SCN9A: variants seen among roughly 807,000 people sequenced by gnomAD.
SCN9A encodes the protein sodium voltage-gated channel alpha subunit 9.
A neutral mutation model predicts 187.0 loss-of-function variants in SCN9A; 131 were observed. The ratio of observed to expected loss-of-function variants is 0.70; its 90% CI spans 0.61 to 0.81. The LOEUF (loss-of-function observed/expected upper bound fraction) is 0.81. Among genes scored for constraint, SCN9A ranks in the 30% least tolerant of loss-of-function variants. The pLI is 0.00. For missense variants in SCN9A, 2,252 were observed against 2,396.6 expected (o/e 0.94, Z 1.26); for synonymous variants, 809 against 808.6 (o/e 1.00, Z -0.01).
At chr2:166,266,829 G>A (rs542262403) in intron 17 of SCN9A, among the ~76,000 whole-genome samples, 1 of 151,260 alleles carries the variant, frequency 6.6e-6, no homozygotes, top group Non-Finnish European at 1.5e-5. Flanking sequence ...TATTGTAAAT[G>A]GGATTGCTTT....
At chr2:166,352,300 A>G (rs953285607) in intron 1 of SCN9A, among the ~76,000 whole-genome samples, 1 of 152,188 alleles carries the variant, frequency 6.6e-6, no homozygotes, top group African/African-American at 2.4e-5. Flanking sequence ...AAAGTTTTAC[A>G]TGCTTGTTGT....
intron 1 of SCN9A, among the ~76,000 whole-genome samples, chr2:166,329,986 G>A (rs1303247479): frequency 6.6e-6 from 1 of 152,154 alleles, no homozygotes; most frequent in East Asian, 1.9e-4. Flanking sequence ...CTTTGGCTTT[G>A]TCCTTCGATG....
At position 166,231,712 on chromosome 2, in the gene SCN9A, C is replaced by T. The variant is rs186582541; in HGVS notation, c.3924+1628G>A. 3.6e-4 allele frequency among the ~76,000 whole-genome samples: 55 copies of T among 151,842 alleles called. 1 individual carries two copies. The highest frequency in any genetic ancestry group is 3.6e-4 in the African/African-American group (15 of 41,414). ...GACTACAGGTGAGCACCACTATGCC[C>T]GGGTAATTTTTTGCATTTTTAGTAG... is the stretch of plus-strand genomic sequence containing the variant. On this transcript the variant is annotated intron_variant, in intron 21 of 26. Coordinates refer to ENST00000642356, the MANE Select transcript of SCN9A (RefSeq NM_001365536.1).
In SCN9A at chr2:166,284,638, G is replaced by A. The variant is rs1448265143; in HGVS notation, c.1789C>T (p.Arg597Ter). 5.0e-6 allele frequency: 8 copies of A among 1,613,848 alleles called. No individual in the cohort carries two copies. Among genetic ancestry groups the A allele is most frequent in the South Asian group, 1.1e-5 (1 of 91,088 alleles). ...GCTTGGCTGATGTTACTGCTGCGTC[G>A]CTCCTGGGGTCTGTGGGGCACAAAC... The part of the protein sequence containing the change: ...SLFVPHRPQE[R>*]RSSNISQASR... Residue 597 changes from arginine to a stop codon, truncating the protein, a stop_gained, in exon 12 of 27, where the codon CGA becomes TGA. Transcript: ENST00000642356. LOFTEE classifies it high-confidence loss of function.
intron 8 of SCN9A, 100 bp from the exon 9 acceptor site, chr2:166,293,472 G>T: frequency 1.0e-6 from 1 of 990,000 alleles, no homozygotes. Context: ...TCTATAGGGG[G>T]ACAATATTGA....
At chr2:166,333,014 A>G (rs567526414) in intron 1 of SCN9A, among the ~76,000 whole-genome samples, 7 of 151,538 alleles carry the variant, frequency 4.6e-5, no homozygotes, top group East Asian at 1.9e-4. Flanking sequence ...ATCCAAGAAT[A>G]TATTTATTTT....
intron 1 of SCN9A, among the ~76,000 whole-genome samples, chr2:166,333,265 C>A (rs1426583902): frequency 6.6e-6 from 1 of 152,144 alleles, no homozygotes; most frequent in East Asian, 1.9e-4. Context: ...TTAAAATTTA[C>A]TAATTGTTTA....
rs1176307964 is a variant in SCN9A, at chr2:166,299,658, T to TA, written c.901+3431dup. ...CCAGGTTTCCCATTCTCTATCTACT[T>TA]AAAAATATCAGGGATGTTCAGAGGT... On this transcript the variant is annotated intron_variant, in intron 7 of 26. Coordinates refer to ENST00000642356, the MANE Select transcript of SCN9A (RefSeq NM_001365536.1). Among the ~76,000 whole-genome samples the TA allele has an allele frequency of 1.3e-5, 2 of 150,804 alleles. 1 individual carries two copies. The highest frequency in any genetic ancestry group is 5.0e-5 in the African/African-American group (2 of 40,170).
At chr2:166,316,505 G>A (rs1699111839) in intron 1 of SCN9A, among the ~76,000 whole-genome samples, 1 of 152,076 alleles carries the variant, frequency 6.6e-6, no homozygotes, top group Non-Finnish European at 1.5e-5. Context: ...CCAACCTGGC[G>A]AACACTGTGA....
chr2:166,287,172 T>A (rs892221301), intron 10 of SCN9A, among the ~76,000 whole-genome samples: 2 of 152,138 alleles, frequency 1.3e-5, no homozygotes, highest in Non-Finnish European at 2.9e-5. Flanking sequence ...CTTTACAAAA[T>A]GTTTTGTTTA....
At chr2:166,326,197 A>G (rs1699359636) in intron 1 of SCN9A, among the ~76,000 whole-genome samples, 1 of 152,220 alleles carries the variant, frequency 6.6e-6, no homozygotes, top group South Asian at 2.1e-4. Context: ...ATATGTCAAT[A>G]ACAAGATAAA....
At chr2:166,264,370 G>A (rs115684699) in intron 17 of SCN9A, among the ~76,000 whole-genome samples, 2 of 151,936 alleles carry the variant, frequency 1.3e-5, no homozygotes, top group African/African-American at 4.8e-5. Context: ...TCTGAGAAGA[G>A]CCATCAGTTC....
At chr2:166,222,854 C>A (rs1206204905) in intron 24 of SCN9A, among the ~76,000 whole-genome samples, 11 of 137,988 alleles carry the variant, frequency 8.0e-5, no homozygotes, top group Non-Finnish European at 1.7e-4. Context: ...TGGCGTGAAC[C>A]CGGGAGGCGG....
intron 1 of SCN9A, among the ~76,000 whole-genome samples, chr2:166,340,405 T>C (rs1330756347): frequency 7.9e-5 from 12 of 152,174 alleles, no homozygotes; most frequent in Admixed American, 2.0e-4. Context: ...TCTTGGTTTT[T>C]GAATTTTTTA....
chr2:166,288,855 G>T (rs1017843470), intron 9 of SCN9A, among the ~76,000 whole-genome samples: 2 of 152,100 alleles, frequency 1.3e-5, no homozygotes, highest in Non-Finnish European at 2.9e-5. Flanking sequence ...CTAAAGTCAT[G>T]TAAGATTCTT....
chr2:166,202,799 G>A (rs1693605307), intron 26 of SCN9A, among the ~76,000 whole-genome samples: 1 of 151,618 alleles, frequency 6.6e-6, no homozygotes, highest in Non-Finnish European at 1.5e-5. Flanking sequence ...GTTGGCACAT[G>A]TAATTTAAAA....
chr2:166,271,598 T>C (rs1331508410), intron 17 of SCN9A, among the ~76,000 whole-genome samples: 2 of 152,110 alleles, frequency 1.3e-5, no homozygotes, highest in Admixed American at 6.6e-5. Flanking sequence ...GGCTCACTCC[T>C]GTAATCTCAG....
intron 6 of SCN9A, 183 bp downstream of exon 6, chr2:166,304,055 A>G (rs762968069): frequency 3.0e-5 from 48 of 1,613,292 alleles, no homozygotes; most frequent in Non-Finnish European, 3.7e-5. Context: ...ATTGTTTTCA[A>G]TGCTCGGAGA....
intron 1 of SCN9A, among the ~76,000 whole-genome samples, chr2:166,354,519 C>T (rs1342005347): frequency 6.6e-6 from 1 of 152,088 alleles, no homozygotes; most frequent in East Asian, 1.9e-4. Flanking sequence ...ACATTAGGCA[C>T]ATTTTGACAT....
Sources: allele counts gnomAD v4.1 joint callset (sites outside exome capture counted in the v4.1 genomes callset), GRCh38; gene constraint gnomAD v4.1.1; transcripts MANE v1.5; gene names NCBI Gene and HGNC (gene_info 2026-07-23, HGNC 2026-07-21).